The following IP6K1 variants were observed in gnomAD, a reference collection of about 807,000 sequenced individuals.
IP6K1 encodes ATP:1D-myo-inositol-hexakisphosphate phosphotransferase.
In IP6K1, 13 loss-of-function variants were observed where a neutral mutation model predicts 38.3. The ratio of observed to expected loss-of-function variants is 0.34; its 90% confidence interval spans 0.22 to 0.54. The LOEUF (loss-of-function observed/expected upper bound fraction) is 0.54. Ranked by LOEUF, IP6K1 falls within the 20% of genes least tolerant of loss-of-function variation. The probability of loss-of-function intolerance (pLI) is 0.92; values close to 1 mark genes in which losing one functional copy is unlikely to be tolerated. For synonymous variants in IP6K1, 212 were observed against 229.9 expected (o/e 0.92, Z 0.70); for missense variants, 397 against 599.8 (o/e 0.66, Z 3.53).
At chr3:49,744,273 G>A (rs1007340077) in intron 2 of IP6K1, among the ~76,000 whole-genome samples, 4 of 151,296 alleles carry the variant, frequency 2.6e-5, no homozygotes, top group African/African-American at 4.8e-5. Context: ...TTGGTGGCGG[G>A]AGCCTGTAGT....
At position 49,725,013 on chromosome 3, in the gene IP6K1, A is replaced by C. The variant is rs2080485199; in HGVS notation, c.*2109T>G. 1 of 152,724 alleles carries C rather than the reference A, an allele frequency of 6.5e-6. No individual in the cohort carries two copies. Among genetic ancestry groups the C allele is most frequent in the South Asian group, 2.1e-4 (1 of 4,838 alleles). 9.5% of individuals were successfully genotyped at this position (152,724 alleles called of 1,614,324 possible). A position where few individuals can be genotyped will look rare whatever the true frequency, so the allele number is the denominator to read the frequency against. On this transcript the variant is annotated 3_prime_UTR_variant, in exon 6 of 6. Transcript: ENST00000321599. Reference sequence around the variant, plus strand: ...TGGGGCAGGGAGAAAGCAGTGGCAGACAGTATGCACACACACTTGCCCACT... The same window carrying C: ...TGGGGCAGGGAGAAAGCAGTGGCAGCCAGTATGCACACACACTTGCCCACT...
chr3:49,764,505 T>C (rs2080892886), intron 1 of IP6K1, among the ~76,000 whole-genome samples: 1 of 152,190 alleles, frequency 6.6e-6, no homozygotes, highest in Non-Finnish European at 1.5e-5. Context: ...AGTCAAAAGT[T>C]ATATGCAGGT....
chr3:49,744,911 A>G (rs774178970), intron 2 of IP6K1, among the ~76,000 whole-genome samples: 4 of 152,222 alleles, frequency 2.6e-5, no homozygotes, highest in Non-Finnish European at 4.4e-5. Context: ...TGGCAGGTTT[A>G]AAAACAAATT....
intron 2 of IP6K1, among the ~76,000 whole-genome samples, chr3:49,742,141 T>A (rs1453344072): frequency 6.6e-6 from 1 of 152,220 alleles, no homozygotes; most frequent in East Asian, 1.9e-4. Context: ...TTTTCTTTGC[T>A]TAGGCTACAT....
At chr3:49,785,460 C>G (rs1162296413) in intron 1 of IP6K1, 1 of 152,046 alleles carries the variant, frequency 6.6e-6, no homozygotes, top group African/African-American at 2.4e-5. Context: ...GAGCCGAGAT[C>G]GCGCCACTGC....
Position 49,748,710 on chromosome 3 carries a change from C to T in IP6K1, c.-128-542G>A, listed in dbSNP as rs182320684. On this transcript the variant is annotated intron_variant, in intron 1 of 5. Transcript: ENST00000321599. Reference sequence around the variant, plus strand: ...TGCTGAGCTGTAGGACAGTGGTCCCCAAATTTTTTGGCAGCAGGAACCAGT... The same window carrying T: ...TGCTGAGCTGTAGGACAGTGGTCCCTAAATTTTTTGGCAGCAGGAACCAGT... Among the ~76,000 whole-genome samples the T allele has an allele frequency of 8.1e-4, 123 of 152,254 alleles. 1 individual carries two copies. In the Middle Eastern group the frequency reaches 0.01, roughly 13 times the overall value.
chr3:49,766,016 A>C (rs2108253766), intron 1 of IP6K1, among the ~76,000 whole-genome samples: 1 of 152,186 alleles, frequency 6.6e-6, no homozygotes, highest in East Asian at 1.9e-4. Context: ...CTCTACTAAA[A>C]ATACAAAAAA....
chr3:49,741,293 TC>T (rs1163249109), intron 2 of IP6K1, among the ~76,000 whole-genome samples: 1 of 152,190 alleles, frequency 6.6e-6, no homozygotes, highest in Non-Finnish European at 1.5e-5. Flanking sequence ...TGTTCCCATT[TC>T]TCCACATCCT....
At position 49,740,229 on chromosome 3, in the gene IP6K1, T is replaced by C. The variant is rs1205463813; in HGVS notation, c.224-1807A>G. Among the ~76,000 whole-genome samples the C allele has an allele frequency of 3.7e-3, 36 of 9,642 alleles. 1 individual carries two copies. The highest frequency in any genetic ancestry group is 0.043 in the South Asian group (2 of 46). The allele number at this position is 9,642 out of a possible 152,430, so 6.3% of individuals were successfully genotyped here. On this transcript the variant is annotated intron_variant, in intron 2 of 5. Transcript: ENST00000321599. ...GATAGAAACATAAAATTTGCAATTC[T>C]TTTTTTTTTTTTTTTTTTTTTGGTA... is the stretch of plus-strand genomic sequence containing the variant.
chr3:49,780,115 A>C (rs2081051889), intron 1 of IP6K1, among the ~76,000 whole-genome samples: 1 of 152,094 alleles, frequency 6.6e-6, no homozygotes, highest in African/African-American at 2.4e-5. Context: ...AGACAGGAAT[A>C]AATAAGCTAA....
chr3:49,725,015 A>C lies in IP6K1; in HGVS notation c.*2107T>G, dbSNP rs1316377011. 1 of 152,748 alleles carries C rather than the reference A, an allele frequency of 6.5e-6. No individual in the cohort carries two copies. The allele number at this position is 152,748 out of a possible 1,614,324, so 9.5% of individuals were successfully genotyped here. A position where few individuals can be genotyped will look rare whatever the true frequency, so the allele number is the denominator to read the frequency against. On this transcript the variant is annotated 3_prime_UTR_variant, in exon 6 of 6. Transcript: ENST00000321599. ...GGGCAGGGAGAAAGCAGTGGCAGAC[A>C]GTATGCACACACACTTGCCCACTAC...
chr3:49,770,405 A>G (rs2080946544), intron 1 of IP6K1, among the ~76,000 whole-genome samples: 2 of 152,182 alleles, frequency 1.3e-5, no homozygotes, highest in South Asian at 4.1e-4. Flanking sequence ...CCAAAATGTA[A>G]AAGCTAAAAC....
chr3:49,747,388 A>G (rs943871336), intron 2 of IP6K1, among the ~76,000 whole-genome samples: 4 of 152,172 alleles, frequency 2.6e-5, no homozygotes, highest in Non-Finnish European at 5.9e-5. Flanking sequence ...AAGTCCCTGC[A>G]TTTCTTACCA....
At chr3:49,753,063 C>T (rs956882953) in intron 1 of IP6K1, among the ~76,000 whole-genome samples, 1 of 152,118 alleles carries the variant, frequency 6.6e-6, no homozygotes, top group Admixed American at 6.5e-5. Context: ...GCCTGGCCGC[C>T]ATTTCACTTT....
intron 1 of IP6K1, among the ~76,000 whole-genome samples, chr3:49,769,776 G>A (rs903231271): frequency 3.9e-5 from 6 of 152,132 alleles, no homozygotes; most frequent in Non-Finnish European, 7.3e-5. Flanking sequence ...CACGCCATGA[G>A]GAAACTCAAA....
At chr3:49,741,173 T>C (rs1044052594) in intron 2 of IP6K1, among the ~76,000 whole-genome samples, 2 of 152,166 alleles carry the variant, frequency 1.3e-5, no homozygotes, top group East Asian at 1.9e-4. Flanking sequence ...GTTTTGGATA[T>C]ATATGTAGGA....
chr3:49,747,121 G>C (rs1473835972), intron 2 of IP6K1, among the ~76,000 whole-genome samples: 1 of 151,832 alleles, frequency 6.6e-6, no homozygotes, highest in Non-Finnish European at 1.5e-5. Flanking sequence ...TTTCTAAATT[G>C]AAACTCTCCT....
intron 1 of IP6K1, among the ~76,000 whole-genome samples, chr3:49,773,800 A>G (rs2080981327): frequency 6.6e-6 from 1 of 152,148 alleles, no homozygotes; most frequent in African/African-American, 2.4e-5. Flanking sequence ...TATCCTGCCT[A>G]GCATGCTGCT....
At chr3:49,755,240 T>C (rs2080812118) in intron 1 of IP6K1, among the ~76,000 whole-genome samples, 1 of 151,798 alleles carries the variant, frequency 6.6e-6, no homozygotes, top group Admixed American at 6.6e-5. Flanking sequence ...CCCAGCCACA[T>C]TTGCAATGTT....
Sources: gnomAD v4.1 joint callset for allele counts (sites outside exome capture counted in the v4.1 genomes callset) on GRCh38, gnomAD v4.1.1 for gene constraint, MANE v1.5 for transcripts, NCBI Gene and HGNC (gene_info 2026-07-23, HGNC 2026-07-21) for gene names.